TMEM17: variants seen among roughly 807,000 people sequenced by gnomAD.
TMEM17 encodes the protein transmembrane protein 17.
Under a neutral mutation model 19.1 loss-of-function variants are expected in TMEM17, and 15 were observed. The ratio of observed to expected loss-of-function variants is 0.78; its 90% CI spans 0.52 to 1.21. The LOEUF (loss-of-function observed/expected upper bound fraction) is 1.21, where lower values mean the gene tolerates loss of function less well. Among genes scored for constraint, TMEM17 ranks in the 50% most tolerant of loss-of-function variants. The pLI, the probability that TMEM17 is intolerant of heterozygous loss-of-function variation, is 0.00. For missense variants in TMEM17, 245 were observed against 242.3 expected (o/e 1.01, Z -0.07); for synonymous variants, 103 against 86.9 (o/e 1.19, Z -1.03).
chr2:62,505,479 G>C (rs4286259), intron 1 of TMEM17, among the ~76,000 whole-genome samples: 130,685 of 151,014 alleles, frequency 0.87, 56,646 homozygotes, highest in Non-Finnish European at 0.89. Context: ...TTTTTTTAAT[G>C]TCTTCTACGA....
intron 1 of TMEM17, among the ~76,000 whole-genome samples, chr2:62,504,279 C>G (rs1170746128): frequency 6.6e-6 from 1 of 152,204 alleles, no homozygotes; most frequent in African/African-American, 2.4e-5. Context: ...TCTGTTAAAT[C>G]TGAAGACAAC....
At chr2:62,453,532 C>T in the TMEM17 span, among the ~76,000 whole-genome samples, 1 of 152,130 alleles carries the variant, frequency 6.6e-6, no homozygotes, top group East Asian at 1.9e-4. Context: ...ATTACAAGAT[C>T]CTGTCTTCTG....
At chr2:62,484,790 C>T in the TMEM17 span, among the ~76,000 whole-genome samples, 1 of 152,094 alleles carries the variant, frequency 6.6e-6, no homozygotes, top group Non-Finnish European at 1.5e-5. Context: ...GTTTTTACTC[C>T]TGTTTTCCAT....
Position 62,506,014 on chromosome 2 carries a change from G to C in TMEM17, c.100+16C>G, listed in dbSNP as rs1680061682. 1 of 1,601,112 alleles carries C rather than the reference G, an allele frequency of 6.2e-7. No homozygotes were observed. The highest frequency in any genetic ancestry group is 8.5e-7 in the Non-Finnish European group (1 of 1,173,294). On this transcript the variant is annotated intron_variant, in intron 1 of 3. Coordinates refer to ENST00000335390, the MANE Select transcript of TMEM17 (RefSeq NM_198276.3). ...TCGGCAGGCCACACCCCCTGCACCG[G>C]GCCTCGGTCACTCACCCGGACCCTC...
the TMEM17 span, among the ~76,000 whole-genome samples, chr2:62,476,915 G>T: frequency 6.6e-6 from 1 of 152,166 alleles, no homozygotes; most frequent in South Asian, 2.1e-4. Context: ...TTCCTATCCT[G>T]TGTCCTCCCT....
rs1679914007 is a variant in TMEM17 at position 62,501,077 on chromosome 2, C to A, written c.*132G>T. On this transcript the variant is annotated 3_prime_UTR_variant, in exon 4 of 4. Coordinates refer to ENST00000335390, the MANE Select transcript of TMEM17 (RefSeq NM_198276.3). ...TACAAAGTTTCATCATTGCCCCCAACCTTGGAATTTCAGAGTGAGAGCATA... is the reference window on the plus strand; with the variant it reads ...TACAAAGTTTCATCATTGCCCCCAAACTTGGAATTTCAGAGTGAGAGCATA... 1.1e-5 allele frequency: 12 copies of A among 1,048,102 alleles called. No homozygotes were observed. The highest frequency in any genetic ancestry group is 1.5e-5 in the Non-Finnish European group (11 of 728,252). The allele number at this position is 1,048,102 out of a possible 1,614,324, so 64.9% of individuals were successfully genotyped here.
chr2:62,456,554 C>T, the TMEM17 span, among the ~76,000 whole-genome samples: 4 of 152,220 alleles, frequency 2.6e-5, no homozygotes, highest in Non-Finnish European at 4.4e-5. Context: ...CTTTCAGTCA[C>T]ACCAGCAAAG....
At chr2:62,457,202 C>T in the TMEM17 span, among the ~76,000 whole-genome samples, 3 of 152,250 alleles carry the variant, frequency 2.0e-5, no homozygotes, top group Non-Finnish European at 2.9e-5. This position sits in a 1 kb window ranked among gnomAD's most constrained non-coding sequence, Gnocchi z 4.2. Flanking sequence ...CGCTGCCAAG[C>T]CCCCTGCCGT....
the TMEM17 span, among the ~76,000 whole-genome samples, chr2:62,476,680 A>G: frequency 6.6e-6 from 1 of 152,192 alleles, no homozygotes; most frequent in African/African-American, 2.4e-5. Flanking sequence ...GAAGAGCAAG[A>G]ATGGTATCCA....
At chr2:62,494,787 A>G in the TMEM17 span, among the ~76,000 whole-genome samples, 1 of 152,132 alleles carries the variant, frequency 6.6e-6, no homozygotes, top group Non-Finnish European at 1.5e-5. Context: ...GCAGATCATG[A>G]GGTCAGGAGA....
the TMEM17 span, among the ~76,000 whole-genome samples, chr2:62,475,727 G>A: frequency 3.3e-5 from 5 of 152,204 alleles, no homozygotes; most frequent in East Asian, 5.8e-4. Context: ...TGCCAGTGTC[G>A]GGCTCGCTGA....
At chr2:62,470,095 A>G in the TMEM17 span, among the ~76,000 whole-genome samples, 120,691 of 152,190 alleles carry the variant, frequency 0.79, 47,889 homozygotes, top group Admixed American at 0.85. Context: ...TGGAGCTCTA[A>G]GAAGACACCC....
chr2:62,491,509 A>T, the TMEM17 span: 1 of 152,336 alleles, frequency 6.6e-6, no homozygotes, highest in South Asian at 2.1e-4. Context: ...ACAACAAAAA[A>T]CCCTCAGTTA....
At chr2:62,465,621 T>G in the TMEM17 span, among the ~76,000 whole-genome samples, 4 of 151,998 alleles carry the variant, frequency 2.6e-5, no homozygotes, top group Non-Finnish European at 4.4e-5. Flanking sequence ...CTCAGCATTT[T>G]GTGAGGAGTA....
chr2:62,501,918 C>T (rs1679939044), intron 3 of TMEM17: 1 of 168,778 alleles, frequency 5.9e-6, no homozygotes, highest in Non-Finnish European at 1.3e-5. Flanking sequence ...AACAGCAAAA[C>T]CTACAGTAAG....
At chr2:62,480,263 A>C in the TMEM17 span, among the ~76,000 whole-genome samples, 1 of 152,068 alleles carries the variant, frequency 6.6e-6, no homozygotes, top group Non-Finnish European at 1.5e-5. Context: ...TAATGAAAAA[A>C]AATTTTTTTT....
intron 1 of TMEM17, among the ~76,000 whole-genome samples, chr2:62,505,384 G>C (rs1015076518): frequency 1.3e-5 from 2 of 152,220 alleles, no homozygotes; most frequent in Non-Finnish European, 2.9e-5. Context: ...AGAAGGCAGG[G>C]AAGGGGTGAG....
chr2:62,461,837 T>G, the TMEM17 span, among the ~76,000 whole-genome samples: 1 of 152,350 alleles, frequency 6.6e-6, no homozygotes, highest in Admixed American at 6.5e-5. Flanking sequence ...AGATACTGCC[T>G]GTAATGGCCG....
Position 62,501,458 on chromosome 2 carries a change from C to T in TMEM17, c.348G>A (p.Leu116=). 2 of 1,612,570 alleles carry T rather than the reference C, an allele frequency of 1.2e-6. No individual in the cohort carries two copies. Among genetic ancestry groups the T allele is most frequent in the South Asian group, 2.2e-5 (2 of 90,768 alleles). ...TTAAAGGTAACTGCAATAGAAGGCT[C>T]AAAAGCCAAAAGCCAGCCAACTCAG... is the stretch of plus-strand genomic sequence containing the variant. ...KVPELAGFWL[L]SLLLQLPLIL... The change falls in exon 4 of 4, where the codon TTG becomes TTA. Residue 116 remains leucine (L), a synonymous_variant. Coordinates refer to ENST00000335390, the MANE Select transcript of TMEM17 (RefSeq NM_198276.3).
Sources: allele counts gnomAD v4.1 joint callset (sites outside exome capture counted in the v4.1 genomes callset), GRCh38; gene constraint gnomAD v4.1.1; non-coding constraint Gnocchi (gnomAD v3.1); transcripts MANE v1.5; gene names NCBI Gene and HGNC (gene_info 2026-07-23, HGNC 2026-07-21).